The following CDHR5 variants were observed in gnomAD, a reference collection of about 807,000 sequenced individuals.
The protein encoded by CDHR5 is cadherin related family member 5.
CDHR5 carries 82 observed loss-of-function variants against 69.5 expected under a neutral mutation model. That is an observed-to-expected ratio of 1.18 (90% CI 0.99 to 1.42). The LOEUF is 1.42. Ranked by LOEUF, CDHR5 falls within the 40% of genes most tolerant of loss-of-function variation. The pLI is 0.00. For synonymous variants in CDHR5, 601 were observed against 510.2 expected, an observed-to-expected ratio of 1.18 and a Z score of -2.40; for missense variants, 1,293 against 1,168.9, an observed-to-expected ratio of 1.11 and a Z score of -1.55.
chr11:620,325 T>C lies in CDHR5; in HGVS notation c.851A>G (p.Asn284Ser). 1 of 1,612,748 alleles carries C rather than the reference T, an allele frequency of 6.2e-7. No individual in the cohort carries two copies. The highest frequency in any genetic ancestry group is 1.7e-5 in the Admixed American group (1 of 59,860). ...IYAEDGDRGI[N>S]QPIIYSIFRG... Reference sequence around the variant, plus strand: ...AAAGATGCTGTAGATGATGGGCTGGTTGATGCCGCGGTCTCCGTCCTCAGC... The same window carrying C: ...AAAGATGCTGTAGATGATGGGCTGGCTGATGCCGCGGTCTCCGTCCTCAGC... The change falls in exon 8 of 15, where the codon AAC (asparagine) becomes AGC (serine). Residue 284 changes from asparagine to serine, a missense_variant. Asn to Ser is a conservative substitution (Grantham distance 46). Coordinates refer to ENST00000397542, the MANE Select transcript of CDHR5 (RefSeq NM_021924.5).
In CDHR5 at chr11:617,708, C is replaced by G. The variant is rs183406300; in HGVS notation, c.2181G>C (p.Ala727=). The G allele has an allele frequency of 6.8e-7, 1 of 1,460,116 alleles. No individual in the cohort carries two copies. Among genetic ancestry groups the G allele is most frequent in the South Asian group, 1.4e-5 (1 of 69,898 alleles). 90.4% of individuals were successfully genotyped at this position (1,460,116 alleles called of 1,614,324 possible). Residue 727 remains alanine, a synonymous_variant, in exon 15 of 15, where the codon GCG becomes GCC. Transcript: ENST00000397542. The stretch of plus-strand genomic sequence containing the variant: ...GGTCGTGCGTGGGGCTGGGGACGGG[C>G]GCCCAGTTGGCCTTGTGGTCAGGGA... ...AFLPDHKANW[A]PVPSPTHDPK... is the part of the protein sequence containing the mutation.
intron 12 of CDHR5, 21 bp downstream of exon 12, chr11:619,285 C>T (rs748769644): frequency 2.5e-6 from 4 of 1,569,048 alleles, no homozygotes; most frequent in Non-Finnish European, 1.8e-6. Context: ...CCTGGGGGCT[C>T]ACCTGTGGAG....
intron 7 of CDHR5, 91 bp downstream of exon 7, chr11:620,988 GA>G: frequency 2.7e-6 from 1 of 371,082 alleles, no homozygotes; most frequent in Non-Finnish European, 5.0e-6. Flanking sequence ...CCCTGACCCC[GA>G]CCCCGCCCTT....
At chr11:620,434 G>A (rs1360242695) in intron 7 of CDHR5, 48 bp from the exon 8 acceptor site, 1 of 1,331,818 alleles carries the variant, frequency 7.5e-7, no homozygotes, top group Non-Finnish European at 1.1e-6. Context: ...TGGGGTGGAT[G>A]GCCCCAGCCT....
intron 3 of CDHR5, among the ~76,000 whole-genome samples, chr11:623,890 G>A (rs1267536586): frequency 6.6e-6 from 1 of 152,068 alleles, no homozygotes; most frequent in African/African-American, 2.4e-5. Flanking sequence ...GGCTGTGGGG[G>A]ACACGTGGGG....
Position 621,476 on chromosome 11 carries a change from CAG to C in CDHR5, c.508-23_508-22del, listed in dbSNP as rs1857383250. ...GCACCCTGGGGAGGGTCAGGGAGGA[CAG>C]AGCCTAAGAGCCTTGGAGGGCGAGG... On this transcript the variant is annotated intron_variant, in intron 5 of 14. Coordinates refer to ENST00000397542, the MANE Select transcript of CDHR5 (RefSeq NM_021924.5). The surrounding 1 kb of genome is among the most constrained non-coding windows in gnomAD (Gnocchi z 4.4). 2 of 1,606,892 alleles carry C rather than the reference CAG, an allele frequency of 1.2e-6. No homozygotes were observed. The highest frequency in any genetic ancestry group is 1.7e-6 in the Non-Finnish European group (2 of 1,174,170).
At position 617,214 on chromosome 11, in the gene CDHR5, A is replaced by G. The variant is rs35600572; in HGVS notation, c.*137T>C. The G allele has an allele frequency of 0.26, 174,098 of 658,108 alleles. 26,891 individuals carry two copies. The highest frequency in any genetic ancestry group is 0.52 in the African/African-American group (28,012 of 54,228). 40.8% of individuals were successfully genotyped at this position (658,108 alleles called of 1,614,324 possible). A position where few individuals can be genotyped will look rare whatever the true frequency, so the allele number is the denominator to read the frequency against. On this transcript the variant is annotated 3_prime_UTR_variant, in exon 15 of 15. Transcript: ENST00000397542. ...GACGACAGGGGACTGAGTGAATGGG[A>G]CCCCCATGGACCCGCGCGCCTGCCC...
At position 624,789 on chromosome 11, in the gene CDHR5, G is replaced by A. The variant is rs200458947; in HGVS notation, c.85+29C>T. 355 of 1,605,260 alleles carry A rather than the reference G, an allele frequency of 2.2e-4. No individual in the cohort carries two copies. In the African/African-American group the frequency reaches 4.0e-3, roughly 18 times the overall value. ...CCCAGCCCCTGGCTCCCCGCCGCCC[G>A]TGCCCCACCTACCCCTGCCCGCACA... On this transcript the variant is annotated intron_variant, in intron 1 of 14. Coordinates refer to ENST00000397542, the MANE Select transcript of CDHR5 (RefSeq NM_021924.5). The surrounding 1 kb of genome is among the most constrained non-coding windows in gnomAD (Gnocchi z 5.3).
rs760228647 is a variant in CDHR5 at position 624,538 on chromosome 11, G to A, written c.261+19C>T. 25 of 1,604,528 alleles carry A rather than the reference G, an allele frequency of 1.6e-5. No homozygotes were observed. The highest frequency in any genetic ancestry group is 2.7e-5 in the African/African-American group (2 of 74,782). On this transcript the variant is annotated intron_variant, in intron 2 of 14. Coordinates refer to ENST00000397542, the MANE Select transcript of CDHR5 (RefSeq NM_021924.5). This position sits in a 1 kb window ranked among gnomAD's most constrained non-coding sequence, Gnocchi z 5.3. ...CCTTCTCCCGGGACCCCCATATCCC[G>A]CCCGCCTGCCGCCCACACCTCGTAA...
chr11:617,923 C>T (rs750040345), intron 14 of CDHR5, 31 bp downstream of exon 14: 21 of 1,602,226 alleles, frequency 1.3e-5, no homozygotes, highest in African/African-American at 8.0e-5. Flanking sequence ...CCTGCCTGGT[C>T]GCCTGCCCTG....
chr11:619,346 G>A lies in CDHR5; in HGVS notation c.1338C>T (p.Val446=). The change falls in exon 12 of 15, where the codon GTC becomes GTT. Residue 446 remains valine (V), a synonymous_variant. Coordinates refer to ENST00000397542, the MANE Select transcript of CDHR5 (RefSeq NM_021924.5). ...NTVTSGTATT[V]IEIQVSEQEP... ...CCTGTTCGGAAACTTGTATCTCAAT[G>A]ACTGTGGTTGCGGTGCCAGAGGTCA... 2.5e-6 allele frequency: 4 copies of A among 1,613,652 alleles called. No individual in the cohort carries two copies. Among genetic ancestry groups the A allele is most frequent in the Non-Finnish European group, 3.4e-6 (4 of 1,179,790 alleles).
intron 12 of CDHR5, 57 bp downstream of exon 12, chr11:619,249 C>A: frequency 6.7e-7 from 1 of 1,485,618 alleles, no homozygotes; most frequent in Non-Finnish European, 9.3e-7. Context: ...GGGAAAGGAG[C>A]CACCGAAGGG....
At chr11:618,536 C>T (rs1042704286) in intron 13 of CDHR5, 63 bp downstream of exon 13, 5 of 1,583,362 alleles carry the variant, frequency 3.2e-6, no homozygotes, top group African/African-American at 2.7e-5. Flanking sequence ...ACCCTTCCTA[C>T]AGCGTTTCCC....
intron 12 of CDHR5, 37 bp from the exon 13 acceptor site, chr11:619,217 C>T (rs1219107233): frequency 6.8e-6 from 10 of 1,472,442 alleles, no homozygotes; most frequent in African/African-American, 4.2e-5. Context: ...TTGCCTCTGC[C>T]CGCCCCTTGC....
rs747000188 is a variant in CDHR5, at chr11:621,225, G to C, written c.644C>G (p.Pro215Arg). The C allele has an allele frequency of 1.3e-6, 2 of 1,597,474 alleles. No individual in the cohort carries two copies. The highest frequency in any genetic ancestry group is 2.2e-5 in the East Asian group (1 of 44,720). Residue 215 changes from proline (P) to arginine (R), a missense_variant, in exon 7 of 15, where the codon CCC becomes CGC. Transcript: ENST00000397542. This position sits in a 1 kb window ranked among gnomAD's most constrained non-coding sequence, Gnocchi z 4.4. ...VRDTPGENVE[P>R]SHTATATLVL... ...TAGTGTGGCGGTGGCAGTGTGGCTG[G>C]GTTCCACATTCTCCCCCGGAGTGTC...
rs909901636 is a variant in CDHR5, at chr11:617,688, T to A, written c.2201A>T (p.His734Leu). The change falls in exon 15 of 15, where the codon CAC becomes CTC. Residue 734 changes from histidine (H) to leucine (L), a missense_variant. His to Leu is a moderately conservative substitution (Grantham distance 99). Transcript: ENST00000397542. ...ANWAPVPSPT[H>L]DPKPAEAPMP... ...CGGTGCCTCCGCGGGCTTGGGGTCGTGCGTGGGGCTGGGGACGGGCGCCCA... is the reference window on the plus strand; with the variant it reads ...CGGTGCCTCCGCGGGCTTGGGGTCGAGCGTGGGGCTGGGGACGGGCGCCCA... 1.4e-6 allele frequency: 2 copies of A among 1,471,336 alleles called. No homozygotes were observed. Among genetic ancestry groups the A allele is most frequent in the African/African-American group, 2.8e-5 (2 of 70,534 alleles). 91.1% of individuals were successfully genotyped at this position (1,471,336 alleles called of 1,614,324 possible).
intron 3 of CDHR5, among the ~76,000 whole-genome samples, chr11:623,555 C>T (rs193121995): frequency 1.1e-3 from 174 of 152,072 alleles, no homozygotes; most frequent in African/African-American, 4.1e-3. Context: ...AGACTGCAGT[C>T]CTGAGCCGGT....
rs1589929539 is a variant in CDHR5, at chr11:616,995, G to A, written c.*356C>T. The A allele has an allele frequency of 3.4e-6, 1 of 297,270 alleles. No individual in the cohort carries two copies. Among genetic ancestry groups the A allele is most frequent in the Non-Finnish European group, 6.3e-6 (1 of 157,598 alleles). The allele number at this position is 297,270 out of a possible 1,614,324, so 18.4% of individuals were successfully genotyped here. A position where few individuals can be genotyped will look rare whatever the true frequency, so the allele number is the denominator to read the frequency against. ...ATGAGCCGGGTGCCTGAGATCTCCG[G>A]TGCAGGTCGGGGGAGGGGAGCCCCC... On this transcript the variant is annotated 3_prime_UTR_variant, in exon 15 of 15. Transcript: ENST00000397542.
rs746605552 is a variant in CDHR5, at chr11:619,794, G to A, written c.1066C>T (p.Gln356Ter). 6.2e-7 allele frequency: 1 copy of A among 1,603,220 alleles called. No individual in the cohort carries two copies. The highest frequency in any genetic ancestry group is 8.5e-7 in the Non-Finnish European group (1 of 1,177,380). Residue 356 changes from glutamine to a stop codon, truncating the protein, a stop_gained, in exon 10 of 15, where the codon CAG (glutamine) becomes TAG (stop). Transcript: ENST00000397542. LOFTEE classifies it high-confidence loss of function. ...GCCACGGTGCCACGATACAGTCTCTGGGGGAAGCGGGGCGGGCTCCCGGCC... is the reference window on the plus strand; with the variant it reads ...GCCACGGTGCCACGATACAGTCTCTAGGGGAAGCGGGGCGGGCTCCCGGCC... ...AAAGSPPRFP[Q>*]RLYRGTVARG...
Sources: allele counts gnomAD v4.1 joint callset (sites outside exome capture counted in the v4.1 genomes callset), GRCh38; gene constraint gnomAD v4.1.1; non-coding constraint Gnocchi (gnomAD v3.1); transcripts MANE v1.5; gene names NCBI Gene and HGNC (gene_info 2026-07-23, HGNC 2026-07-21).